ZNF33B: variants seen among roughly 807,000 people sequenced by gnomAD.
ZNF33B encodes the protein zinc finger protein 11b (KOX 2).
A neutral mutation model predicts 45.8 loss-of-function variants in ZNF33B; 29 were observed. The ratio of observed to expected loss-of-function variants is 0.63; its 90% CI spans 0.47 to 0.86. The LOEUF (loss-of-function observed/expected upper bound fraction) is 0.86. Among genes scored for constraint, ZNF33B ranks in the 40% least tolerant of loss-of-function variants. The pLI, the probability that ZNF33B is intolerant of heterozygous loss-of-function variation, is 0.00. For missense variants in ZNF33B, 831 were observed against 909.9 expected (o/e 0.91, Z 1.12); for synonymous variants, 305 against 307.8 (o/e 0.99, Z 0.10).
exon 2 of ZNF33B, chr10:42,574,393 A>T (rs3740328): frequency 0.13 from 19,474 of 152,040 alleles, 1,583 homozygotes; most frequent in African/African-American, 0.22. Flanking sequence ...GTTGTTTTCA[A>T]AGCACAAGTG....
chr10:42,594,786 A>C, intron 4 of ZNF33B, 87 bp from the exon 5 acceptor site: 1 of 1,402,558 alleles, frequency 7.1e-7, no homozygotes, highest in Admixed American at 2.8e-5. Flanking sequence ...CCTATGTTGT[A>C]GCTGACTCTG....
intron 4 of ZNF33B, among the ~76,000 whole-genome samples, chr10:42,612,182 A>G (rs1362151380): frequency 6.6e-6 from 1 of 150,740 alleles, no homozygotes; most frequent in Non-Finnish European, 1.5e-5. Context: ...ATCAATTGAC[A>G]TGATACAGTT....
At position 42,594,256 on chromosome 10, in the gene ZNF33B, C is replaced by T. The variant is rs1232333120; in HGVS notation, c.694G>A (p.Ala232Thr). 6 of 1,613,752 alleles carry T rather than the reference C, an allele frequency of 3.7e-6. No homozygotes were observed. The highest frequency in any genetic ancestry group is 5.1e-6 in the Non-Finnish European group (6 of 1,179,904). The change falls in exon 5 of 5, where the codon GCA becomes ACA. Residue 232 changes from alanine (A) to threonine (T), a missense_variant. Transcript: ENST00000359467. ...TCTCTCTTCCGTGTATTGAATACTG[C>T]CTTTTCAAGGAGGGTTTCCTGACAT... The part of the protein sequence containing the change: ...SICQETLLEK[A>T]VFNTRKRENA...
At chr10:42,602,959 AC>A (rs1360437965) in intron 4 of ZNF33B, among the ~76,000 whole-genome samples, 1 of 151,904 alleles carries the variant, frequency 6.6e-6, no homozygotes, top group Non-Finnish European at 1.5e-5. Context: ...GTGCTCCTCA[AC>A]CCCCACAGCT....
Position 42,636,932 on chromosome 10 carries a change from G to A in ZNF33B, c.-4C>T, listed in dbSNP as rs780696441. 7 of 1,614,182 alleles carry A rather than the reference G, an allele frequency of 4.3e-6. No individual in the cohort carries two copies. Among genetic ancestry groups the A allele is most frequent in the Non-Finnish European group, 5.9e-6 (7 of 1,180,024 alleles). ...ATAAACAACTTACCTTGTTCATTTT[G>A]TTCTGTTCTTGGAAAGACGGAGACA... On this transcript the variant is annotated 5_prime_UTR_variant, in exon 2 of 5. It introduces an in-frame stop codon into an upstream open reading frame of the 5' UTR. Transcript: ENST00000359467.
chr10:42,634,403 A>G (rs1298331201), intron 2 of ZNF33B, among the ~76,000 whole-genome samples: 3 of 152,072 alleles, frequency 2.0e-5, no homozygotes, highest in Non-Finnish European at 4.4e-5. Flanking sequence ...TCTCAAAAAA[A>G]AAGGTAAGAA....
At chr10:42,615,339 A>G (rs1838268873) in intron 4 of ZNF33B, among the ~76,000 whole-genome samples, 1 of 152,250 alleles carries the variant, frequency 6.6e-6, no homozygotes, top group Non-Finnish European at 1.5e-5. Context: ...TCCACTGACA[A>G]ATGGATACAT....
In ZNF33B at chr10:42,590,523, T is replaced by TC; in HGVS notation, c.*2089_*2090insG. 6.6e-6 allele frequency: 1 copy of TC among 152,266 alleles called. No homozygotes were observed. Among genetic ancestry groups the TC allele is most frequent in the Middle Eastern group, 3.4e-3 (1 of 296 alleles). The allele number at this position is 152,266 out of a possible 1,614,324, so 9.4% of individuals were successfully genotyped here. A position where few individuals can be genotyped will look rare whatever the true frequency, so the allele number is the denominator to read the frequency against. On this transcript the variant is annotated 3_prime_UTR_variant, in exon 5 of 5. Transcript: ENST00000359467. The stretch of plus-strand genomic sequence containing the variant: ...CCTCAGCCTCCTGAGTAGCTTGGAC[T>TC]ATACACGCATGCCACCACGCCCGGC...
rs1387143109 is a variant in ZNF33B, at chr10:42,591,832, T to C, written c.*781A>G. The C allele has an allele frequency of 6.5e-6, 1 of 152,680 alleles. No individual in the cohort carries two copies. Among genetic ancestry groups the C allele is most frequent in the African/African-American group, 2.4e-5 (1 of 41,450 alleles). 9.5% of individuals were successfully genotyped at this position (152,680 alleles called of 1,614,324 possible). ...ACTTGAGGCTAAATCCTGATTCCTT[T>C]GTAATCCTGAAACAGTACAGATCTC... On this transcript the variant is annotated 3_prime_UTR_variant, in exon 5 of 5. Transcript: ENST00000359467.
intron 4 of ZNF33B, among the ~76,000 whole-genome samples, chr10:42,607,344 CAAACAT>C (rs1256799301): frequency 5.2e-3 from 41 of 7,946 alleles, no homozygotes; most frequent in Middle Eastern, 0.17. Context: ...TACACATAAA[CAAACAT>C]AGAGAGTGGA....
intron 1 of ZNF33B, 103 bp from the exon 2 acceptor site, chr10:42,637,075 G>C: frequency 9.1e-7 from 1 of 1,100,688 alleles, no homozygotes; most frequent in Non-Finnish European, 1.3e-6. Flanking sequence ...TAGGTAAAAT[G>C]CTCCGTCTGG....
intron 4 of ZNF33B, among the ~76,000 whole-genome samples, chr10:42,626,718 TAAATAAAATAAAGA>T (rs1838825972): frequency 7.6e-6 from 1 of 132,384 alleles, no homozygotes; most frequent in African/African-American, 3.3e-5. Flanking sequence ...AATAAATAAA[TAAATAAAATAAAGA>T]AATGTTCCTG....
intron 4 of ZNF33B, among the ~76,000 whole-genome samples, chr10:42,624,603 A>G (rs1396717317): frequency 2.0e-5 from 3 of 152,232 alleles, no homozygotes; most frequent in Non-Finnish European, 4.4e-5. Flanking sequence ...ATAAAATAGA[A>G]AAGTTATAAC....
At chr10:42,617,859 C>A (rs1838395043) in intron 4 of ZNF33B, among the ~76,000 whole-genome samples, 1 of 152,180 alleles carries the variant, frequency 6.6e-6, no homozygotes, top group African/African-American at 2.4e-5. Context: ...TCAAATCCCA[C>A]CCATCTCCCC....
rs763650352 is a variant in ZNF33B, at chr10:42,593,739, T to C, written c.1211A>G (p.Gln404Arg). The change falls in exon 5 of 5, where the codon CAG (glutamine) becomes CGG (arginine). Residue 404 changes from glutamine (Q) to arginine (R), a missense_variant. Coordinates refer to ENST00000359467, the MANE Select transcript of ZNF33B (RefSeq NM_006955.3). ...FSHKSALTLH[Q>R]RTHTGEKPYQ... The stretch of plus-strand genomic sequence containing the variant: ...GGGTTTCTCCCCTGTATGTGTTCTC[T>C]GGTGTAATGTGAGGGCTGACTTATG... 19 of 1,613,584 alleles carry C rather than the reference T, an allele frequency of 1.2e-5. No homozygotes were observed. The highest frequency in any genetic ancestry group is 1.6e-4 in the Middle Eastern group (1 of 6,082).
intron 1 of ZNF33B, chr10:42,574,803 C>T (rs1186543326): frequency 6.6e-6 from 1 of 152,124 alleles, no homozygotes. Context: ...AATCAAAGTT[C>T]CCCAAAACTA....
chr10:42,588,821 T>C (rs1280826032), downstream of ZNF33B, among the ~76,000 whole-genome samples: 2 of 152,182 alleles, frequency 1.3e-5, no homozygotes, highest in Non-Finnish European at 2.9e-5. Flanking sequence ...AAGCAGGAAC[T>C]GTGCCTGGCC....
rs747351165 is a variant in ZNF33B at position 42,593,000 on chromosome 10, T to C, written c.1950A>G (p.Ser650=). The C allele has an allele frequency of 3.7e-6, 6 of 1,614,134 alleles. No homozygotes were observed. The South Asian group carries it at 6.6e-5, about 18-fold the overall frequency. The part of the protein sequence containing the change: ...NECGKAFCHK[S]ALIVHQRTHT... ...GGGTTCTCTGATGTACAATTAGAGCTGACTTATGGCAGAAAGCTTTTCCAC... is the reference window on the plus strand; with the variant it reads ...GGGTTCTCTGATGTACAATTAGAGCCGACTTATGGCAGAAAGCTTTTCCAC... Residue 650 remains serine (S), a synonymous_variant, in exon 5 of 5, where the codon TCA becomes TCG. Transcript: ENST00000359467.
At chr10:42,599,872 T>A (rs528691577) in intron 4 of ZNF33B, among the ~76,000 whole-genome samples, 1 of 152,252 alleles carries the variant, frequency 6.6e-6, no homozygotes, top group African/African-American at 2.4e-5. Context: ...AAATTTCCCA[T>A]AAATTCCATT....
Sources: allele counts gnomAD v4.1 joint callset (sites outside exome capture counted in the v4.1 genomes callset), GRCh38; gene constraint gnomAD v4.1.1; transcripts MANE v1.5; gene names NCBI Gene and HGNC (gene_info 2026-07-23, HGNC 2026-07-21).